The following RAPGEF4 variants were observed in gnomAD, a reference collection of about 807,000 sequenced individuals.
The protein encoded by RAPGEF4 is RAP guanine-nucleotide-exchange factor (GEF) 4.
Under a neutral mutation model 147.9 loss-of-function variants are expected in RAPGEF4, and 66 were observed. The ratio of observed to expected loss-of-function variants is 0.45; its 90% confidence interval spans 0.37 to 0.55. The LOEUF is 0.55. Among genes scored for constraint, RAPGEF4 ranks in the 20% least tolerant of loss-of-function variants. The probability of loss-of-function intolerance (pLI) is 0.00; values close to 1 mark genes in which losing one functional copy is unlikely to be tolerated. For synonymous variants in RAPGEF4, 419 were observed against 442.7 expected (o/e 0.95, Z 0.67); for missense variants, 1,071 against 1,257.3 (o/e 0.85, Z 2.24).
intron 3 of RAPGEF4, among the ~76,000 whole-genome samples, chr2:172,805,562 G>T (rs930507906): frequency 6.6e-6 from 1 of 152,124 alleles, no homozygotes; most frequent in East Asian, 1.9e-4. Context: ...AAGGAAAAGA[G>T]CACCAAGAAG....
chr2:173,024,478 A>C (rs1696461977), intron 23 of RAPGEF4, among the ~76,000 whole-genome samples: 2 of 140,202 alleles, frequency 1.4e-5, no homozygotes, highest in African/African-American at 5.0e-5. Context: ...CGGCCTCCCA[A>C]AGTGCTGGGA....
intron 4 of RAPGEF4, among the ~76,000 whole-genome samples, chr2:172,913,163 T>C (rs1398870837): frequency 6.6e-6 from 1 of 152,114 alleles, no homozygotes; most frequent in Non-Finnish European, 1.5e-5. Flanking sequence ...CCCAAAGTGC[T>C]GGGATTACAG....
At chr2:172,871,506 G>A (rs901504762) in intron 4 of RAPGEF4, among the ~76,000 whole-genome samples, 2 of 151,910 alleles carry the variant, frequency 1.3e-5, no homozygotes, top group Non-Finnish European at 2.9e-5. Context: ...ATTTTATATC[G>A]TTGAGTAAAT....
intron 21 of RAPGEF4, 76 bp downstream of exon 21, chr2:173,017,580 C>A: frequency 1.4e-6 from 2 of 1,394,948 alleles, no homozygotes; most frequent in Admixed American, 1.9e-5. Flanking sequence ...CACCTTGGAC[C>A]CACAGAATAG....
At chr2:172,878,749 C>G (rs1696253941) in intron 4 of RAPGEF4, among the ~76,000 whole-genome samples, 1 of 152,076 alleles carries the variant, frequency 6.6e-6, no homozygotes, top group Non-Finnish European at 1.5e-5. Flanking sequence ...AAAAAATGGG[C>G]AACAATGTGT....
At chr2:172,919,831 C>T (rs1684530849) in intron 5 of RAPGEF4, among the ~76,000 whole-genome samples, 1 of 152,148 alleles carries the variant, frequency 6.6e-6, no homozygotes, top group Admixed American at 6.5e-5. Flanking sequence ...TTGTTCTCCT[C>T]TTGTGCTGGG....
At position 173,011,162 on chromosome 2, in the gene RAPGEF4, G is replaced by A. The variant is rs995344079; in HGVS notation, c.1659-3302G>A. On this transcript the variant is annotated intron_variant, in intron 17 of 30. Transcript: ENST00000397081. The stretch of plus-strand genomic sequence containing the variant: ...GCTGCGGGAACCTTGGAACTTCAGC[G>A]CGCGCGCGCACACACACACACACAC... 3.8e-3 allele frequency among the ~76,000 whole-genome samples: 289 copies of A among 75,164 alleles called. 4 individuals carry two copies. Among genetic ancestry groups the A allele is most frequent in the South Asian group, 3.4e-3 (8 of 2,346 alleles). 49.3% of individuals were successfully genotyped at this position (75,164 alleles called of 152,430 possible). A position where few individuals can be genotyped will look rare whatever the true frequency, so the allele number is the denominator to read the frequency against.
chr2:172,846,058 A>AAATAAAGG (rs1692149110), intron 4 of RAPGEF4, among the ~76,000 whole-genome samples: 1 of 152,148 alleles, frequency 6.6e-6, no homozygotes, highest in Non-Finnish European at 1.5e-5. Context: ...GTAGCTTATG[A>AAATAAAGG]CTCCCTTTGC....
At chr2:172,825,059 TGACCATTATATATACA>T (rs1689515077) in intron 4 of RAPGEF4, among the ~76,000 whole-genome samples, 1 of 152,238 alleles carries the variant, frequency 6.6e-6, no homozygotes, top group African/African-American at 2.4e-5. Context: ...TTGGCCATCG[TGACCATTATATATACA>T]GATGCTCCTC....
intron 4 of RAPGEF4, among the ~76,000 whole-genome samples, chr2:172,822,359 G>T (rs1054220546): frequency 2.0e-5 from 3 of 152,166 alleles, no homozygotes; most frequent in Non-Finnish European, 4.4e-5. Context: ...AATGAATTTT[G>T]TTCAAGGAAA....
chr2:172,919,922 A>C (rs925159257), intron 5 of RAPGEF4, among the ~76,000 whole-genome samples: 3 of 151,842 alleles, frequency 2.0e-5, no homozygotes, highest in Non-Finnish European at 4.4e-5. Flanking sequence ...CTTCCTTTGC[A>C]TGTTCACAGT....
At chr2:173,005,068 A>T (rs1222036071) in intron 17 of RAPGEF4, among the ~76,000 whole-genome samples, 2 of 151,762 alleles carry the variant, frequency 1.3e-5, no homozygotes, top group Non-Finnish European at 2.9e-5. Context: ...TGTCATAATT[A>T]TTTTCTCAGC....
intron 3 of RAPGEF4, among the ~76,000 whole-genome samples, chr2:172,804,526 T>C (rs779608122): frequency 1.3e-5 from 2 of 152,192 alleles, no homozygotes; most frequent in Non-Finnish European, 2.9e-5. Context: ...GATGCCTGAG[T>C]AGCTGTTCAG....
intron 4 of RAPGEF4, among the ~76,000 whole-genome samples, chr2:172,886,311 C>G (rs1697205762): frequency 6.6e-6 from 1 of 152,132 alleles, no homozygotes; most frequent in Non-Finnish European, 1.5e-5. Context: ...ATGATATAAC[C>G]ACAGAGTTGA....
chr2:172,757,426 C>G (rs940067874), intron 1 of RAPGEF4, among the ~76,000 whole-genome samples: 1 of 152,088 alleles, frequency 6.6e-6, no homozygotes, highest in Non-Finnish European at 1.5e-5. Flanking sequence ...CCAGATGCCC[C>G]CAGTGCTGTT....
intron 27 of RAPGEF4, among the ~76,000 whole-genome samples, chr2:173,034,793 G>A (rs1423053330): frequency 6.6e-6 from 1 of 151,828 alleles, no homozygotes. Context: ...AAGATCGCTT[G>A]AGCCAGGAGG....
intron 1 of RAPGEF4, among the ~76,000 whole-genome samples, chr2:172,784,349 T>C (rs1348019404): frequency 6.6e-6 from 1 of 151,920 alleles, no homozygotes; most frequent in East Asian, 1.9e-4. Context: ...AAACCCCATC[T>C]CCACTAAAAA....
chr2:172,918,124 C>G (rs553524668), intron 5 of RAPGEF4: 4 of 642,034 alleles, frequency 6.2e-6, no homozygotes, highest in South Asian at 1.7e-5. Flanking sequence ...GCATAGAATA[C>G]TTTCCCAAAA....
At chr2:172,773,748 G>A (rs183254891) in intron 1 of RAPGEF4, among the ~76,000 whole-genome samples, 1 of 151,252 alleles carries the variant, frequency 6.6e-6, no homozygotes, top group East Asian at 1.9e-4. Flanking sequence ...GGCAACAGAA[G>A]CTCTAAAGCC....
Sources: gnomAD v4.1 joint callset for allele counts (sites outside exome capture counted in the v4.1 genomes callset) on GRCh38, gnomAD v4.1.1 for gene constraint, MANE v1.5 for transcripts, NCBI Gene and HGNC (gene_info 2026-07-23, HGNC 2026-07-21) for gene names.